LIPA: variants seen among roughly 807,000 people sequenced by gnomAD.
The protein encoded by LIPA is lysosomal acid lipase/cholesteryl ester hydrolase.
LIPA carries 26 observed loss-of-function variants against 40.6 expected under a neutral mutation model. The observed-to-expected ratio is 0.64, with a 90% confidence interval of 0.47 to 0.89. The LOEUF (loss-of-function observed/expected upper bound fraction) is 0.89. Among genes scored for constraint, LIPA ranks in the 40% least tolerant of loss-of-function variants. The pLI is 0.00. For missense variants in LIPA, 455 were observed against 479.6 expected, an observed-to-expected ratio of 0.95 and a Z score of 0.48; for synonymous variants, 188 against 168.4, an observed-to-expected ratio of 1.12 and a Z score of -0.90.
chr10:89,269,023 C>T (rs897327241), intron 1 of LIPA, among the ~76,000 whole-genome samples: 2 of 148,782 alleles, frequency 1.3e-5, no homozygotes, highest in African/African-American at 5.0e-5. Flanking sequence ...AAATGATTTA[C>T]TTTATTTAAA....
rs1842595663 is a variant in LIPA at position 89,214,604 on chromosome 10, G to A, written c.*224C>T. On this transcript the variant is annotated 3_prime_UTR_variant, in exon 10 of 10. Coordinates refer to ENST00000336233, the MANE Select transcript of LIPA (RefSeq NM_000235.4). Reference sequence around the variant, plus strand: ...AAAGACTTAAAGAGACAATACTATGGTTGAGACACTGGCTTCCTATTCCAG... The same window carrying A: ...AAAGACTTAAAGAGACAATACTATGATTGAGACACTGGCTTCCTATTCCAG... 1 of 518,446 alleles carries A rather than the reference G, an allele frequency of 1.9e-6. No individual in the cohort carries two copies. Among genetic ancestry groups the A allele is most frequent in the Non-Finnish European group, 3.5e-6 (1 of 289,722 alleles). The allele number at this position is 518,446 out of a possible 1,614,324, so 32.1% of individuals were successfully genotyped here.
chr10:89,224,366 C>T (rs1842739897), intron 6 of LIPA, among the ~76,000 whole-genome samples: 1 of 152,164 alleles, frequency 6.6e-6, no homozygotes, highest in Admixed American at 6.5e-5. Flanking sequence ...GAGGCCAAGG[C>T]AGAAGGACTG....
At chr10:89,265,780 T>A (rs1311297322) in intron 1 of LIPA, among the ~76,000 whole-genome samples, 1 of 152,212 alleles carries the variant, frequency 6.6e-6, no homozygotes. Flanking sequence ...TTCAGACTTG[T>A]AAAATAGCTC....
intron 1 of LIPA, chr10:89,339,333 A>C: frequency 6.2e-7 from 1 of 1,613,790 alleles, no homozygotes; most frequent in Non-Finnish European, 8.5e-7. Flanking sequence ...AAGCTGAAGG[A>C]GAGCAGTTTG....
intron 1 of LIPA, chr10:89,302,002 C>T: frequency 4.1e-6 from 4 of 981,590 alleles, no homozygotes; most frequent in Non-Finnish European, 6.0e-6. Flanking sequence ...CAAAAAGGAA[C>T]CAGAGGCCAC....
chr10:89,321,879 C>T (rs1272880839), intron 1 of LIPA, among the ~76,000 whole-genome samples: 1 of 151,832 alleles, frequency 6.6e-6, no homozygotes, highest in African/African-American at 2.4e-5. Flanking sequence ...CCATGGAATA[C>T]TATGCAGCCA....
intron 1 of LIPA, among the ~76,000 whole-genome samples, chr10:89,299,677 A>T (rs1843434224): frequency 6.6e-6 from 1 of 152,164 alleles, no homozygotes. Flanking sequence ...AATACTCAAC[A>T]TCACTCAACC....
At chr10:89,389,176 T>C (rs1844228671) in intron 2 of LIPA, among the ~76,000 whole-genome samples, 1 of 152,194 alleles carries the variant, frequency 6.6e-6, no homozygotes, top group Admixed American at 6.5e-5. Context: ...AAATGTTAAA[T>C]TATAAATTAA....
chr10:89,275,628 C>G (rs576213339), intron 1 of LIPA, among the ~76,000 whole-genome samples: 1 of 152,318 alleles, frequency 6.6e-6, no homozygotes, highest in African/African-American at 2.4e-5. Context: ...ATATCCCTTC[C>G]AGTGGCTCTG....
At chr10:89,264,521 C>A (rs1296328106) in intron 1 of LIPA, among the ~76,000 whole-genome samples, 2 of 151,988 alleles carry the variant, frequency 1.3e-5, no homozygotes, top group Admixed American at 1.3e-4. Context: ...AAGTGTGCAG[C>A]CCTCAGCAGG....
intron 3 of LIPA, among the ~76,000 whole-genome samples, chr10:89,233,209 G>A (rs1008576086): frequency 1.3e-5 from 2 of 152,196 alleles, no homozygotes; most frequent in African/African-American, 4.8e-5. Context: ...CACAAAAGAT[G>A]CAGCAGATGG....
At chr10:89,228,516 T>G in intron 3 of LIPA, 118 bp from the exon 4 acceptor site, 1 of 904,578 alleles carries the variant, frequency 1.1e-6, no homozygotes, top group South Asian at 1.4e-5. Context: ...AGAAATAAAT[T>G]GAAAGATTGA....
chr10:89,321,477 T>C (rs898453292), intron 1 of LIPA, among the ~76,000 whole-genome samples: 19 of 152,096 alleles, frequency 1.2e-4, no homozygotes, highest in East Asian at 1.9e-4. Flanking sequence ...AAGAGCTCAT[T>C]ATCACTGGCC....
intron 8 of LIPA, among the ~76,000 whole-genome samples, chr10:89,220,864 T>A (rs1352015085): frequency 4.6e-5 from 7 of 152,270 alleles, no homozygotes; most frequent in Admixed American, 1.3e-4. Flanking sequence ...GCAGATTTTT[T>A]AAAAATGCAG....
chr10:89,319,816 C>T (rs185420656), intron 1 of LIPA, among the ~76,000 whole-genome samples: 1 of 152,304 alleles, frequency 6.6e-6, no homozygotes, highest in East Asian at 1.9e-4. Flanking sequence ...CAAATATCCT[C>T]AATAAAATAC....
chr10:89,264,122 C>A (rs1319621700), intron 1 of LIPA, among the ~76,000 whole-genome samples: 1 of 152,182 alleles, frequency 6.6e-6, no homozygotes, highest in Non-Finnish European at 1.5e-5. Context: ...TCTCTGCTGC[C>A]CTTCTCTCCT....
intron 2 of LIPA, among the ~76,000 whole-genome samples, chr10:89,351,106 A>G (rs997031535): frequency 6.6e-6 from 1 of 152,202 alleles, no homozygotes; most frequent in Non-Finnish European, 1.5e-5. Context: ...ACTTGAGCCC[A>G]GGAGTTTGAG....
At chr10:89,274,719 A>G (rs1203220227) in intron 1 of LIPA, among the ~76,000 whole-genome samples, 1 of 152,132 alleles carries the variant, frequency 6.6e-6, no homozygotes, top group African/African-American at 2.4e-5. Flanking sequence ...GAGACTAGGG[A>G]TAAGGATGGC....
chr10:89,364,967 A>G (rs1844047148), intron 2 of LIPA, among the ~76,000 whole-genome samples: 1 of 152,238 alleles, frequency 6.6e-6, no homozygotes, highest in Non-Finnish European at 1.5e-5. Context: ...AGAAGAAGCC[A>G]TAACATCTAC....
Sources: gnomAD v4.1 joint callset for allele counts (sites outside exome capture counted in the v4.1 genomes callset) on GRCh38, gnomAD v4.1.1 for gene constraint, MANE v1.5 for transcripts, NCBI Gene and HGNC (gene_info 2026-07-23, HGNC 2026-07-21) for gene names.